The following SLC24A2 variants were observed in gnomAD, a reference collection of about 807,000 sequenced individuals.
SLC24A2 encodes the protein solute carrier family 24 member 2.
A neutral mutation model predicts 62.0 loss-of-function variants in SLC24A2; 36 were observed. The observed-to-expected ratio is 0.58, with a 90% confidence interval of 0.44 to 0.77. The LOEUF (loss-of-function observed/expected upper bound fraction) is 0.77. Ranked by LOEUF, SLC24A2 falls within the 30% of genes least tolerant of loss-of-function variation. The pLI is 0.00. For synonymous variants in SLC24A2, 358 were observed against 294.0 expected (o/e 1.22, Z -2.23); for missense variants, 846 against 817.9 (o/e 1.03, Z -0.42).
the SLC24A2 span, among the ~76,000 whole-genome samples, chr9:19,803,438 A>G: frequency 2.6e-5 from 4 of 152,178 alleles, no homozygotes; most frequent in Non-Finnish European, 4.4e-5. Flanking sequence ...ATTGATTTCA[A>G]TGAAATATAT....
At chr9:19,950,175 TTTC>T in the SLC24A2 span, among the ~76,000 whole-genome samples, 1 of 152,198 alleles carries the variant, frequency 6.6e-6, no homozygotes. Flanking sequence ...GTGGCTCAGC[TTTC>T]TTATCTGTAA....
intron 7 of SLC24A2, among the ~76,000 whole-genome samples, chr9:19,563,000 T>G (rs943759058): frequency 1.3e-5 from 2 of 152,078 alleles, no homozygotes; most frequent in Non-Finnish European, 2.9e-5. Context: ...TAGGTACTTG[T>G]GAAGCTGAGG....
chr9:20,030,591 T>G, the SLC24A2 span, among the ~76,000 whole-genome samples: 127 of 152,338 alleles, frequency 8.3e-4, no homozygotes, highest in Middle Eastern at 3.4e-3. Flanking sequence ...CACAACTTTC[T>G]GGACAAACCC....
At chr9:20,016,726 T>TAC in the SLC24A2 span, among the ~76,000 whole-genome samples, 3 of 151,890 alleles carry the variant, frequency 2.0e-5, no homozygotes, top group East Asian at 1.9e-4. Flanking sequence ...AACCTACAAC[T>TAC]ACACACACAC....
At chr9:20,022,339 A>G in the SLC24A2 span, among the ~76,000 whole-genome samples, 1 of 152,236 alleles carries the variant, frequency 6.6e-6, no homozygotes, top group Admixed American at 6.5e-5. Context: ...CAATTCATAG[A>G]TATTTATTTA....
the SLC24A2 span, among the ~76,000 whole-genome samples, chr9:19,888,289 G>C: frequency 1.3e-5 from 2 of 152,158 alleles, no homozygotes; most frequent in Non-Finnish European, 2.9e-5. Context: ...AGGTGCAAAT[G>C]ACTTGAACGA....
At chr9:20,284,940 T>C in the SLC24A2 span, among the ~76,000 whole-genome samples, 1 of 152,234 alleles carries the variant, frequency 6.6e-6, no homozygotes, top group Non-Finnish European at 1.5e-5. Flanking sequence ...TGATATTGTT[T>C]GAGAAGCTGC....
the SLC24A2 span, among the ~76,000 whole-genome samples, chr9:20,062,207 T>C: frequency 6.6e-6 from 1 of 152,182 alleles, no homozygotes; most frequent in Non-Finnish European, 1.5e-5. Context: ...TTAGCCTGCG[T>C]GACAGAGAAA....
At chr9:20,267,282 TC>T in the SLC24A2 span, among the ~76,000 whole-genome samples, 6 of 152,110 alleles carry the variant, frequency 3.9e-5, no homozygotes, top group Non-Finnish European at 7.4e-5. Context: ...ACCATCACCA[TC>T]CCCACCCTCT....
chr9:20,295,547 G>T, the SLC24A2 span, among the ~76,000 whole-genome samples: 2 of 152,168 alleles, frequency 1.3e-5, no homozygotes, highest in Non-Finnish European at 2.9e-5. Context: ...GAACTAGGCA[G>T]GAAGATGTGC....
chr9:19,703,963 T>C (rs905781832), intron 2 of SLC24A2, among the ~76,000 whole-genome samples: 1 of 152,242 alleles, frequency 6.6e-6, no homozygotes, highest in African/African-American at 2.4e-5. Context: ...CTAATATTTG[T>C]AAGAATGTGT....
the SLC24A2 span, among the ~76,000 whole-genome samples, chr9:20,179,561 C>T: frequency 2.0e-5 from 3 of 152,266 alleles, no homozygotes; most frequent in East Asian, 5.8e-4. Context: ...CTCCTGGAAC[C>T]ACGATGTTGT....
chr9:20,158,897 T>C, the SLC24A2 span, among the ~76,000 whole-genome samples: 1 of 151,686 alleles, frequency 6.6e-6, no homozygotes, highest in African/African-American at 2.4e-5. Flanking sequence ...GAAAACTGAA[T>C]TAGAAATATT....
At chr9:19,630,648 A>G (rs1035551677) in intron 2 of SLC24A2, among the ~76,000 whole-genome samples, 4 of 152,178 alleles carry the variant, frequency 2.6e-5, no homozygotes, top group East Asian at 1.9e-4. Context: ...CCTGATTCCA[A>G]AAGGACCCTG....
intron 6 of SLC24A2, among the ~76,000 whole-genome samples, chr9:19,576,418 G>A (rs1351453375): frequency 1.3e-5 from 2 of 152,150 alleles, no homozygotes; most frequent in Non-Finnish European, 2.9e-5. Context: ...TCTTAAAAAC[G>A]AGAGGCAGCA....
chr9:19,754,178 C>T (rs1184247950), intron 2 of SLC24A2, among the ~76,000 whole-genome samples: 1 of 152,168 alleles, frequency 6.6e-6, no homozygotes, highest in African/African-American at 2.4e-5. Flanking sequence ...GGAGCCACAT[C>T]CTCAGTGGCA....
At chr9:19,535,263 G>A (rs1024366977) in intron 8 of SLC24A2, among the ~76,000 whole-genome samples, 4 of 152,146 alleles carry the variant, frequency 2.6e-5, no homozygotes, top group African/African-American at 9.7e-5. Flanking sequence ...CCGTTTGTCA[G>A]ATGGATAGAT....
the SLC24A2 span, among the ~76,000 whole-genome samples, chr9:19,825,684 T>A: frequency 6.6e-6 from 1 of 152,300 alleles, no homozygotes; most frequent in South Asian, 2.1e-4. Context: ...AGTTGCAGTC[T>A]TACGTCCTGC....
the SLC24A2 span, among the ~76,000 whole-genome samples, chr9:19,961,023 GGTGT>G: frequency 3.4e-3 from 481 of 141,708 alleles, 3 homozygotes; most frequent in Middle Eastern, 7.1e-3. Context: ...TAGAGGGGTG[GGTGT>G]GTGTGTGTGT....
Sources: gnomAD v4.1 joint callset for allele counts (sites outside exome capture counted in the v4.1 genomes callset) on GRCh38, gnomAD v4.1.1 for gene constraint, MANE v1.5 for transcripts, NCBI Gene and HGNC (gene_info 2026-07-23, HGNC 2026-07-21) for gene names.